HPSE2: variants seen among roughly 807,000 people sequenced by gnomAD.
HPSE2 encodes the protein inactive heparanase-2.
In HPSE2, 38 loss-of-function variants were observed where a neutral mutation model predicts 60.5. The ratio of observed to expected loss-of-function variants is 0.63; its 90% CI spans 0.48 to 0.82. The LOEUF (loss-of-function observed/expected upper bound fraction) is 0.82, where lower values mean the gene tolerates loss of function less well. Among genes scored for constraint, HPSE2 ranks in the 40% least tolerant of loss-of-function variants. The pLI is 0.00. For synonymous variants in HPSE2, 295 were observed against 293.2 expected (o/e 1.01, Z -0.06); for missense variants, 713 against 740.4 (o/e 0.96, Z 0.43).
At chr10:98,742,621 A>G (rs961146188) in intron 4 of HPSE2, among the ~76,000 whole-genome samples, 2 of 152,138 alleles carry the variant, frequency 1.3e-5, no homozygotes. Flanking sequence ...ATCCATATTG[A>G]CTCAATATTA....
rs1399814310 is a variant in HPSE2, at chr10:98,740,566, C to T, written c.784+3317G>A. Among the ~76,000 whole-genome samples, 4 of 152,048 alleles carry T rather than the reference C, an allele frequency of 2.6e-5. No individual in the cohort carries two copies. In the East Asian group the frequency reaches 5.8e-4, roughly 22 times the overall value. ...ATATCTTGCTTTTGTGGTCTGTAGC[C>T]CACACTATTCACTGCTTTCAAAGAA... is the stretch of plus-strand genomic sequence containing the variant. On this transcript the variant is annotated intron_variant, in intron 4 of 11. Coordinates refer to ENST00000370552, the MANE Select transcript of HPSE2 (RefSeq NM_021828.5).
intron 3 of HPSE2, among the ~76,000 whole-genome samples, chr10:99,127,755 G>A (rs867479606): frequency 1.3e-5 from 2 of 152,074 alleles, no homozygotes; most frequent in Admixed American, 6.6e-5. Flanking sequence ...AAAAGCATCA[G>A]GTAAACTATA....
At chr10:99,140,786 C>T (rs751543584) in intron 3 of HPSE2, among the ~76,000 whole-genome samples, 22 of 152,186 alleles carry the variant, frequency 1.4e-4, no homozygotes, top group Non-Finnish European at 2.1e-4. Flanking sequence ...CGCCTTTAAT[C>T]CCAGCACTCT....
At chr10:98,862,414 C>T (rs975057262) in intron 3 of HPSE2, among the ~76,000 whole-genome samples, 4 of 152,158 alleles carry the variant, frequency 2.6e-5, no homozygotes, top group Non-Finnish European at 5.9e-5. Context: ...TAGATTTTAA[C>T]TTGATATTTA....
At chr10:98,876,621 T>C (rs1952884477) in intron 3 of HPSE2, among the ~76,000 whole-genome samples, 1 of 151,934 alleles carries the variant, frequency 6.6e-6, no homozygotes, top group African/African-American at 2.4e-5. Flanking sequence ...AGCCTAACTC[T>C]ATGCAGACTG....
At chr10:98,749,947 T>TATATATATATACATAC in intron 3 of HPSE2, among the ~76,000 whole-genome samples, 1 of 98,466 alleles carries the variant, frequency 1.0e-5, no homozygotes, top group East Asian at 2.8e-4. Flanking sequence ...TATATATATA[T>TATATATATATACATAC]ACACACACAC....
intron 3 of HPSE2, among the ~76,000 whole-genome samples, chr10:98,818,241 G>A (rs1313233831): frequency 2.0e-5 from 3 of 152,154 alleles, no homozygotes; most frequent in African/African-American, 2.4e-5. Flanking sequence ...TAATGCAGCA[G>A]TCCCCAATCT....
chr10:99,195,814 T>C (rs1011037914), intron 2 of HPSE2, among the ~76,000 whole-genome samples: 12 of 150,942 alleles, frequency 8.0e-5, no homozygotes, highest in Middle Eastern at 3.4e-3. Flanking sequence ...ATGCAATCCC[T>C]ATCAAAATAT....
At chr10:99,192,030 A>C (rs1848239079) in intron 2 of HPSE2, among the ~76,000 whole-genome samples, 1 of 152,222 alleles carries the variant, frequency 6.6e-6, no homozygotes, top group Non-Finnish European at 1.5e-5. Flanking sequence ...AAGCTTGAAG[A>C]TGGGGTATTT....
intron 7 of HPSE2, among the ~76,000 whole-genome samples, chr10:98,630,197 T>C (rs915897586): frequency 8.2e-6 from 1 of 122,194 alleles, no homozygotes; most frequent in Admixed American, 8.6e-5. Context: ...TTTTTTTTGT[T>C]TTTTTTTTTT....
intron 10 of HPSE2, among the ~76,000 whole-genome samples, chr10:98,487,097 A>G (rs1564912665): frequency 6.6e-6 from 1 of 152,188 alleles, no homozygotes; most frequent in Non-Finnish European, 1.5e-5. Context: ...AACTTGGCTA[A>G]GGACCTCATC....
intron 3 of HPSE2, among the ~76,000 whole-genome samples, chr10:98,779,631 TA>T: frequency 6.6e-6 from 1 of 152,314 alleles, no homozygotes; most frequent in East Asian, 1.9e-4. Context: ...ATTTTTATTT[TA>T]AAATGTTCTT....
chr10:98,568,723 T>C (rs1589434151), intron 9 of HPSE2, among the ~76,000 whole-genome samples: 1 of 152,142 alleles, frequency 6.6e-6, no homozygotes, highest in South Asian at 2.1e-4. Flanking sequence ...AACCCCACCC[T>C]GGCAGCCTAG....
the HPSE2 span, among the ~76,000 whole-genome samples, chr10:99,290,934 T>G: frequency 6.6e-6 from 1 of 152,140 alleles, no homozygotes; most frequent in South Asian, 2.1e-4. Context: ...ATCAAGAAAA[T>G]TAAGTCCTAG....
At chr10:99,227,840 T>TTA (rs1230890950) in intron 2 of HPSE2, among the ~76,000 whole-genome samples, 2 of 140,518 alleles carry the variant, frequency 1.4e-5, no homozygotes, top group Non-Finnish European at 3.1e-5. Flanking sequence ...TGAATGTCTA[T>TTA]ATATATATAT....
chr10:99,139,846 C>A (rs1312549367), intron 3 of HPSE2, among the ~76,000 whole-genome samples: 2 of 152,042 alleles, frequency 1.3e-5, no homozygotes, highest in African/African-American at 4.8e-5. Context: ...CAATATCAAC[C>A]CAGGTGGGTG....
chr10:99,032,115 A>G (rs1957511401), intron 3 of HPSE2, among the ~76,000 whole-genome samples: 1 of 152,220 alleles, frequency 6.6e-6, no homozygotes. Context: ...TAAATATGAC[A>G]TTGAAAGGCG....
chr10:99,197,289 A>G lies in HPSE2; in HGVS notation c.448+35059T>C, dbSNP rs571120953. On this transcript the variant is annotated intron_variant, in intron 2 of 11. Coordinates refer to ENST00000370552, the MANE Select transcript of HPSE2 (RefSeq NM_021828.5). ...GGGTACAAAAAAATAGAAAGAATGA[A>G]CAAGACCTACTGTTGGCTAGCACAA... Among the ~76,000 whole-genome samples the G allele has an allele frequency of 9.2e-5, 14 of 152,256 alleles. 1 individual carries two copies. In the East Asian group the frequency reaches 2.7e-3, roughly 29 times the overall value.
At chr10:98,545,687 G>A (rs11189663) in intron 9 of HPSE2, among the ~76,000 whole-genome samples, 52,065 of 151,540 alleles carry the variant, frequency 0.34, 9,386 homozygotes, top group East Asian at 0.48. Context: ...ACAAACCCAC[G>A]CCAATATCAT....
Sources: gnomAD v4.1 joint callset for allele counts (sites outside exome capture counted in the v4.1 genomes callset) on GRCh38, gnomAD v4.1.1 for gene constraint, MANE v1.5 for transcripts, NCBI Gene and HGNC (gene_info 2026-07-23, HGNC 2026-07-21) for gene names.